HIF1A: variants seen among roughly 807,000 people sequenced by gnomAD.
The protein encoded by HIF1A is hypoxia-inducible factor 1-alpha.
A neutral mutation model predicts 92.7 loss-of-function variants in HIF1A; 24 were observed. The observed-to-expected ratio is 0.26, with a 90% CI of 0.19 to 0.36. The LOEUF is 0.36. Among genes scored for constraint, HIF1A ranks in the 10% least tolerant of loss-of-function variants. The probability of loss-of-function intolerance (pLI) is 1.00; values close to 1 mark genes in which losing one functional copy is unlikely to be tolerated. For missense variants in HIF1A, 799 were observed against 998.5 expected, an observed-to-expected ratio of 0.80 and a Z score of 2.69; for synonymous variants, 319 against 338.7, an observed-to-expected ratio of 0.94 and a Z score of 0.64.
chr14:61,715,657 AT>A (rs1410030585), intron 1 of HIF1A: 4 of 152,192 alleles, frequency 2.6e-5, no homozygotes, highest in Admixed American at 1.3e-4. Flanking sequence ...AATGTTTAGA[AT>A]ACCACTGTGT....
intron 2 of HIF1A, 100 bp from the exon 3 acceptor site, chr14:61,721,406 AAAT>A: frequency 1.1e-6 from 1 of 917,818 alleles, no homozygotes; most frequent in Non-Finnish European, 1.7e-6. Flanking sequence ...TGTATATATT[AAAT>A]AAAGTGTCTG....
At chr14:61,732,755 G>A (rs1432764300) in intron 7 of HIF1A, among the ~76,000 whole-genome samples, 1 of 152,104 alleles carries the variant, frequency 6.6e-6, no homozygotes, top group Non-Finnish European at 1.5e-5. Context: ...TAAATACAAA[G>A]ACTTTTGAAA....
chr14:61,743,161 T>C (rs1344357569), intron 12 of HIF1A, among the ~76,000 whole-genome samples: 1 of 152,116 alleles, frequency 6.6e-6, no homozygotes, highest in African/African-American at 2.4e-5. Flanking sequence ...AACTGCCGCC[T>C]CGCTGGTTCA....
rs1185919582 is a variant in HIF1A at position 61,721,475 on chromosome 14, A to C, written c.227-34A>C. On this transcript the variant is annotated intron_variant, in intron 2 of 14. Transcript: ENST00000337138. Reference sequence around the variant, plus strand: ...TATATCATTTAAGTACAACTTTTTAACTAATTATTTTCCTCTTCTTGTGCC... The same window carrying C: ...TATATCATTTAAGTACAACTTTTTACCTAATTATTTTCCTCTTCTTGTGCC... 5.1e-6 allele frequency: 8 copies of C among 1,568,350 alleles called. No individual in the cohort carries two copies. The Admixed American group carries it at 7.1e-5, about 14-fold the overall frequency.
In HIF1A at chr14:61,696,653, G is replaced by A. The variant is rs2044120569; in HGVS notation, c.35+814G>A. 2.0e-5 allele frequency among the ~76,000 whole-genome samples: 3 copies of A among 152,244 alleles called. No homozygotes were observed. The South Asian group carries it at 6.2e-4, about 32-fold the overall frequency. On this transcript the variant is annotated intron_variant, in intron 1 of 14. Transcript: ENST00000337138. ...ACGCAGATATTATAAATGAATATAT[G>A]CCTCATTCATTCTTCAAATAATGAA... is the stretch of plus-strand genomic sequence containing the variant.
chr14:61,720,811 T>C (rs1393611176), intron 2 of HIF1A, among the ~76,000 whole-genome samples: 1 of 152,200 alleles, frequency 6.6e-6, no homozygotes, highest in Non-Finnish European at 1.5e-5. Context: ...TGCTTTATTC[T>C]CTTAAACATA....
At chr14:61,702,126 G>A (rs1164103472) in intron 1 of HIF1A, among the ~76,000 whole-genome samples, 1 of 151,662 alleles carries the variant, frequency 6.6e-6, no homozygotes, top group African/African-American at 2.4e-5. Context: ...TTTTTAAAAG[G>A]TTTCTTTAGA....
At chr14:61,727,732 T>G (rs1360971830) in intron 6 of HIF1A, 77 bp downstream of exon 6, 20 of 1,116,300 alleles carry the variant, frequency 1.8e-5, no homozygotes. Flanking sequence ...ATAGCAAAGA[T>G]TCAGCGCTGG....
rs532994698 is a variant in HIF1A at position 61,729,600 on chromosome 14, A to T, written c.773+1945A>T. 2.6e-5 allele frequency among the ~76,000 whole-genome samples: 4 copies of T among 152,194 alleles called. No individual in the cohort carries two copies. In the East Asian group the frequency reaches 7.7e-4, roughly 29 times the overall value. The stretch of plus-strand genomic sequence containing the variant: ...AGAAAATGAATATAGAAAAGCTAAG[A>T]ATTATTTTAAGGTGTTTACTACTAG... On this transcript the variant is annotated intron_variant, in intron 6 of 14. Transcript: ENST00000337138.
intron 1 of HIF1A, among the ~76,000 whole-genome samples, chr14:61,709,483 T>G (rs1193132523): frequency 6.6e-6 from 1 of 152,026 alleles, no homozygotes; most frequent in Non-Finnish European, 1.5e-5. Flanking sequence ...AGTGATTCTT[T>G]TCCCCGTTTA....
chr14:61,700,752 G>A (rs956609607), intron 1 of HIF1A, among the ~76,000 whole-genome samples: 9 of 152,200 alleles, frequency 5.9e-5, no homozygotes, highest in Non-Finnish European at 8.8e-5. Flanking sequence ...CCCACCAACA[G>A]TGCACAAGGG....
chr14:61,745,710 C>T lies in HIF1A; in HGVS notation c.2222C>T (p.Pro741Leu), dbSNP rs757408166. 2.5e-6 allele frequency: 4 copies of T among 1,613,136 alleles called. No individual in the cohort carries two copies. Among genetic ancestry groups the T allele is most frequent in the South Asian group, 1.1e-5 (1 of 91,024 alleles). The change falls in exon 14 of 15, where the codon CCA becomes CTA. Residue 741 changes from proline (P) to leucine (L), a missense_variant. Physicochemically the swap from Pro to Leu is moderately conservative, Grantham distance 98. Around this residue, in one of 2 missense-constraint regions of HIF1A, gnomAD observed 283 missense variants for 277.5 expected, o/e 1.02. Coordinates refer to ENST00000337138, the MANE Select transcript of HIF1A (RefSeq NM_001530.4). ...AVGIGTLLQQ[P>L]DDHAATTSLS... ...TTATAGGGAACATTATTACAGCAGCCAGACGATCATGCAGCTACTACATCA... is the reference window on the plus strand; with the variant it reads ...TTATAGGGAACATTATTACAGCAGCTAGACGATCATGCAGCTACTACATCA...
Position 61,740,956 on chromosome 14 carries a change from A to G in HIF1A, c.1861A>G (p.Thr621Ala). The change falls in exon 12 of 15, where the codon ACT becomes GCT. Residue 621 changes from threonine (T) to alanine (A), a missense_variant. Coordinates refer to ENST00000337138, the MANE Select transcript of HIF1A (RefSeq NM_001530.4). ...TANATTTTAT[T>A]DELKTVTKDR... ...TAATGCCACCACTACCACTGCCACC[A>G]CTGATGAATTAAAAACAGTGACAAA... The G allele has an allele frequency of 6.2e-7, 1 of 1,614,132 alleles. No homozygotes were observed. The highest frequency in any genetic ancestry group is 8.5e-7 in the Non-Finnish European group (1 of 1,179,940).
chr14:61,730,737 T>G (rs959915248), intron 6 of HIF1A, among the ~76,000 whole-genome samples: 1 of 152,184 alleles, frequency 6.6e-6, no homozygotes, highest in Non-Finnish European at 1.5e-5. Context: ...ACTGGAAGAT[T>G]AGCCACGTAT....
In HIF1A at chr14:61,738,149, T is replaced by C. The variant is rs748245871; in HGVS notation, c.1312T>C (p.Ser438Pro). The C allele has an allele frequency of 6.2e-7, 1 of 1,613,854 alleles. No individual in the cohort carries two copies. Among genetic ancestry groups the C allele is most frequent in the Non-Finnish European group, 8.5e-7 (1 of 1,179,886 alleles). ...ATTATATAATGATGTAATGCTCCCCTCACCCAACGAAAAATTACAGAATAT... is the reference window on the plus strand; with the variant it reads ...ATTATATAATGATGTAATGCTCCCCCCACCCAACGAAAAATTACAGAATAT... Reference protein sequence around the residue: ...VPLYNDVMLPSPNEKLQNINL... With the variant: ...VPLYNDVMLPPPNEKLQNINL... The change falls in exon 10 of 15, where the codon TCA becomes CCA. Residue 438 changes from serine (S) to proline (P), a missense_variant. Coordinates refer to ENST00000337138, the MANE Select transcript of HIF1A (RefSeq NM_001530.4).
Position 61,695,660 on chromosome 14 carries a change from A to T in HIF1A, c.-145A>T. ...CGGCGATTGCCGCCCGCTTCTCTCT[A>T]GTCTCACGAGGGGTTTCCCGCCTCG... On this transcript the variant is annotated 5_prime_UTR_variant, in exon 1 of 15. Coordinates refer to ENST00000337138, the MANE Select transcript of HIF1A (RefSeq NM_001530.4). 1.2e-6 allele frequency: 1 copy of T among 820,182 alleles called. No homozygotes were observed. The highest frequency in any genetic ancestry group is 1.9e-6 in the Non-Finnish European group (1 of 527,612). The allele number at this position is 820,182 out of a possible 1,614,324, so 50.8% of individuals were successfully genotyped here.
In HIF1A at chr14:61,746,954, G is replaced by T; in HGVS notation, c.2350G>T (p.Gly784Trp). The change falls in exon 15 of 15, where the codon GGG (glycine) becomes TGG (tryptophan). Residue 784 changes from glycine to tryptophan, a missense_variant. Coordinates refer to ENST00000337138, the MANE Select transcript of HIF1A (RefSeq NM_001530.4). ...TTCAGATTTAGCATGTAGACTGCTG[G>T]GGCAATCAATGGATGAAAGTGGATT... ...IPSDLACRLL[G>W]QSMDESGLPQ... 6.2e-7 allele frequency: 1 copy of T among 1,611,864 alleles called. No homozygotes were observed. Among genetic ancestry groups the T allele is most frequent in the Non-Finnish European group, 8.5e-7 (1 of 1,179,076 alleles).
intron 1 of HIF1A, among the ~76,000 whole-genome samples, chr14:61,702,309 C>T (rs1421358241): frequency 6.8e-6 from 1 of 147,824 alleles, no homozygotes; most frequent in African/African-American, 2.5e-5. Context: ...GATGTGGTGG[C>T]ACATGCCTGT....
intron 1 of HIF1A, chr14:61,697,656 T>G (rs1035520173): frequency 8.5e-7 from 1 of 1,170,126 alleles, no homozygotes; most frequent in Non-Finnish European, 1.1e-6. Flanking sequence ...TTGGATGGAT[T>G]CATATTTCTT....
Sources: allele counts gnomAD v4.1 joint callset (sites outside exome capture counted in the v4.1 genomes callset), GRCh38; gene constraint gnomAD v4.1.1; regional missense constraint gnomAD v4.1.1; transcripts MANE v1.5; gene names NCBI Gene and HGNC (gene_info 2026-07-23, HGNC 2026-07-21).